The following WASHC4 variants were observed in gnomAD, a reference collection of about 807,000 sequenced individuals.
The protein encoded by WASHC4 is WASH complex subunit 4.
A neutral mutation model predicts 166.6 loss-of-function variants in WASHC4; 86 were observed. The observed-to-expected ratio is 0.52, with a 90% CI of 0.43 to 0.62. The LOEUF (loss-of-function observed/expected upper bound fraction) is 0.62, where lower values mean the gene tolerates loss of function less well. WASHC4 is among the 20% of genes least tolerant of loss of function. The pLI, the probability that WASHC4 is intolerant of heterozygous loss-of-function variation, is 0.00. For synonymous variants in WASHC4, 446 were observed against 451.6 expected, an observed-to-expected ratio of 0.99 and a Z score of 0.16; for missense variants, 1,262 against 1,382.4, an observed-to-expected ratio of 0.91 and a Z score of 1.38.
rs1879974414 is a variant in WASHC4, at chr12:105,114,381, C to G, written c.275C>G (p.Thr92Ser). 9 of 1,598,804 alleles carry G rather than the reference C, an allele frequency of 5.6e-6. No individual in the cohort carries two copies. The highest frequency in any genetic ancestry group is 7.7e-6 in the Non-Finnish European group (9 of 1,170,706). The change falls in exon 4 of 33, where the codon ACT (threonine) becomes AGT (serine). Residue 92 changes from threonine (T) to serine (S), a missense_variant. By Grantham distance (58) the Thr-to-Ser change is moderately conservative (BLOSUM62 1). Transcript: ENST00000332180. ...AACTAGGTCTTAAACAAAGTCATCACTGTTTATGCTGCACTTTGTTGTGAA... is the reference window on the plus strand; with the variant it reads ...AACTAGGTCTTAAACAAAGTCATCAGTGTTTATGCTGCACTTTGTTGTGAA... ...TENKVLNKVI[T>S]VYAALCCEIK...
At chr12:105,149,523 T>G (rs1374121142) in intron 24 of WASHC4, 92 bp from the exon 25 acceptor site, 32 of 1,066,088 alleles carry the variant, frequency 3.0e-5, no homozygotes, top group Admixed American at 1.5e-4. Context: ...GTAGTACAAA[T>G]AGATAACTGT....
chr12:105,126,263 C>T lies in WASHC4; in HGVS notation c.939C>T (p.Asp313=). The T allele has an allele frequency of 1.2e-6, 2 of 1,612,314 alleles. No homozygotes were observed. Among genetic ancestry groups the T allele is most frequent in the East Asian group, 2.2e-5 (1 of 44,706 alleles). The change falls in exon 12 of 33, where the codon GAC becomes GAT. Residue 313 remains aspartate (D), a synonymous_variant. Transcript: ENST00000332180. ...AACCTTCTGAAATTGACCAGAGAGA[C>T]AAGTATGTTGGAATTTGTGGACTCT... ...LGEPSEIDQR[D]KYVGICGLFV... is the part of the protein sequence containing the mutation.
rs753680307 is a variant in WASHC4 at position 105,144,277 on chromosome 12, T to C, written c.2011-10T>C. The C allele has an allele frequency of 1.2e-6, 2 of 1,608,222 alleles. No individual in the cohort carries two copies. The highest frequency in any genetic ancestry group is 1.7e-6 in the Non-Finnish European group (2 of 1,175,426). On this transcript the variant is annotated splice_polypyrimidine_tract_variant and intron_variant, in intron 20 of 32. Coordinates refer to ENST00000332180, the MANE Select transcript of WASHC4 (RefSeq NM_015275.3). ...TTGAAAAATTAAAGTATCAAATCTT[T>C]TGTGAATAGCATTTGCTGGACAAAT...
chr12:105,112,410 G>A (rs758088996), intron 2 of WASHC4, among the ~76,000 whole-genome samples: 2 of 152,116 alleles, frequency 1.3e-5, no homozygotes, highest in Non-Finnish European at 2.9e-5. Flanking sequence ...TGTGTACATT[G>A]TGTGTATATT....
intron 25 of WASHC4, among the ~76,000 whole-genome samples, chr12:105,150,547 G>A (rs955324847): frequency 2.0e-5 from 3 of 152,200 alleles, no homozygotes; most frequent in African/African-American, 7.2e-5. Context: ...ACTTTGAGAG[G>A]CTAAGATAGG....
chr12:105,137,387 G>A lies in WASHC4; in HGVS notation c.1327-499G>A, dbSNP rs1289868674. On this transcript the variant is annotated intron_variant, in intron 14 of 32. Coordinates refer to ENST00000332180, the MANE Select transcript of WASHC4 (RefSeq NM_015275.3). ...ATTGGTCTAGGTGAATAGGAAAGGG[G>A]GACTTGGCTTGGAACTCAAAAATTT... Among the ~76,000 whole-genome samples, 14 of 152,212 alleles carry A rather than the reference G, an allele frequency of 9.2e-5. No homozygotes were observed. In the South Asian group the frequency reaches 2.9e-3, roughly 32 times the overall value.
intron 15 of WASHC4, among the ~76,000 whole-genome samples, chr12:105,139,926 C>G (rs566163622): frequency 2.0e-5 from 3 of 151,474 alleles, no homozygotes; most frequent in Non-Finnish European, 4.4e-5. Flanking sequence ...CTCAGTTGCC[C>G]AGGCTGGAGT....
intron 32 of WASHC4, among the ~76,000 whole-genome samples, chr12:105,165,900 A>G (rs1884782205): frequency 2.0e-5 from 3 of 152,188 alleles, no homozygotes; most frequent in South Asian, 2.1e-4. Flanking sequence ...GTTCATTTTC[A>G]AGGATAAATT....
intron 13 of WASHC4, 78 bp from the exon 14 acceptor site, chr12:105,133,692 A>T: frequency 8.5e-7 from 1 of 1,178,420 alleles, no homozygotes; most frequent in Non-Finnish European, 1.3e-6. Flanking sequence ...GCTGCAGGGA[A>T]ATAATGTACT....
intron 2 of WASHC4, among the ~76,000 whole-genome samples, chr12:105,112,504 T>A (rs1275832096): frequency 6.6e-6 from 1 of 152,198 alleles, no homozygotes; most frequent in Admixed American, 6.5e-5. Flanking sequence ...CAGAATGTTT[T>A]CCAATATGGC....
chr12:105,141,012 T>C lies in WASHC4; in HGVS notation c.1674T>C (p.Ile558=), dbSNP rs35964953. 155 of 1,614,060 alleles carry C rather than the reference T, an allele frequency of 9.6e-5. No homozygotes were observed. In the Middle Eastern group the frequency reaches 2.1e-3, roughly 22 times the overall value. ...CAAGCACAAAGCAACGGCGACTTAT[T>C]GTTTCTTTGGCACTAAGTGTTGGCA... ...NGPSTKQRRL[I]VSLALSVGTQ... The change falls in exon 17 of 33, where the codon ATT becomes ATC. Residue 558 remains isoleucine, a synonymous_variant. Transcript: ENST00000332180.
rs891568318 is a variant in WASHC4 at position 105,167,043 on chromosome 12, A to G, written c.*112A>G. On this transcript the variant is annotated 3_prime_UTR_variant, in exon 33 of 33. Transcript: ENST00000332180. ...GTTTCCTGGGTCACATCTCTGGAAA[A>G]TAGATGTTACAGTTCTTAAAGGCAG... The G allele has an allele frequency of 1.3e-5, 10 of 773,722 alleles. No individual in the cohort carries two copies. The highest frequency in any genetic ancestry group is 2.8e-5 in the South Asian group (2 of 71,968). 47.9% of individuals were successfully genotyped at this position (773,722 alleles called of 1,614,324 possible). A position where few individuals can be genotyped will look rare whatever the true frequency, so the allele number is the denominator to read the frequency against.
Position 105,128,802 on chromosome 12 carries a change from C to T in WASHC4, c.1199+1513C>T, listed in dbSNP as rs144297721. Among the ~76,000 whole-genome samples, 40 of 151,324 alleles carry T rather than the reference C, an allele frequency of 2.6e-4. No homozygotes were observed. In the East Asian group the frequency reaches 5.8e-3, roughly 22 times the overall value. The stretch of plus-strand genomic sequence containing the variant: ...TTTTTTTTGATTTTTTTTTAGAGAC[C>T]GAGTCTCGCTCTGTTGCCCAGGCTG... On this transcript the variant is annotated intron_variant, in intron 13 of 32. Coordinates refer to ENST00000332180, the MANE Select transcript of WASHC4 (RefSeq NM_015275.3).
intron 8 of WASHC4, 119 bp downstream of exon 8, chr12:105,120,716 G>A: frequency 5.7e-6 from 4 of 707,022 alleles, no homozygotes; most frequent in Non-Finnish European, 1.0e-5. Context: ...GTGTGTGTGT[G>A]TGTGTGTTTG....
In WASHC4 at chr12:105,141,897, C is replaced by A. The variant is rs566819022; in HGVS notation, c.1788-556C>A. Among the ~76,000 whole-genome samples, 6 of 151,332 alleles carry A rather than the reference C, an allele frequency of 4.0e-5. No individual in the cohort carries two copies. The South Asian group carries it at 1.0e-3, about 26-fold the overall frequency. ...TTCCACTCTTGGAAGAAATATTGAG[C>A]CTTTTTCATTATAAGATAGTTAATG... On this transcript the variant is annotated intron_variant, in intron 18 of 32. Transcript: ENST00000332180.
intron 31 of WASHC4, 163 bp downstream of exon 31, chr12:105,164,470 A>G: frequency 1.2e-6 from 1 of 813,180 alleles, no homozygotes; most frequent in Non-Finnish European, 2.0e-6. Flanking sequence ...TTTGGAAGCC[A>G]TTTGACTCAC....
intron 14 of WASHC4, among the ~76,000 whole-genome samples, chr12:105,134,945 C>CT (rs1418732952): frequency 1.3e-5 from 2 of 151,854 alleles, no homozygotes; most frequent in African/African-American, 4.8e-5. Flanking sequence ...CTCCTCCTCT[C>CT]TATTAGTTTA....
intron 14 of WASHC4, among the ~76,000 whole-genome samples, chr12:105,136,827 T>G (rs1489380003): frequency 6.6e-6 from 1 of 152,176 alleles, no homozygotes; most frequent in Non-Finnish European, 1.5e-5. Context: ...GATTTTTTCA[T>G]TTTCTTAATT....
chr12:105,158,437 C>G (rs1884304661), intron 28 of WASHC4, among the ~76,000 whole-genome samples: 1 of 152,084 alleles, frequency 6.6e-6, no homozygotes, highest in African/African-American at 2.4e-5. Context: ...ATGTCAAGTA[C>G]CTAGTTTGTA....
Sources: allele counts gnomAD v4.1 joint callset (sites outside exome capture counted in the v4.1 genomes callset), GRCh38; gene constraint gnomAD v4.1.1; transcripts MANE v1.5; gene names NCBI Gene and HGNC (gene_info 2026-07-23, HGNC 2026-07-21).